Variants in MUSK observed in about 807,000 individuals in gnomAD.
MUSK encodes muscle, skeletal receptor tyrosine-protein kinase.
Under a neutral mutation model 88.7 loss-of-function variants are expected in MUSK, and 55 were observed. The observed-to-expected ratio is 0.62, with a 90% confidence interval of 0.50 to 0.78. The LOEUF is 0.78. Ranked by LOEUF, MUSK falls within the 30% of genes least tolerant of loss-of-function variation. MUSK has a pLI of 0.00. For synonymous variants in MUSK, 387 were observed against 391.9 expected (o/e 0.99, Z 0.15); for missense variants, 1,015 against 1,074.3 (o/e 0.94, Z 0.77).
chr9:110,670,809 T>C lies in MUSK; in HGVS notation c.79+1826T>C, dbSNP rs538099383. On this transcript the variant is annotated intron_variant, in intron 1 of 14. Transcript: ENST00000374448. Reference sequence around the variant, plus strand: ...TAAATTAGTATGAGTTTAACATCACTCTTAGCCAAAATACCATGTCTAGGA... The same window carrying C: ...TAAATTAGTATGAGTTTAACATCACCCTTAGCCAAAATACCATGTCTAGGA... Among the ~76,000 whole-genome samples, 133 of 152,238 alleles carry C rather than the reference T, an allele frequency of 8.7e-4. 3 individuals are homozygous for C. In the South Asian group the frequency reaches 0.022, roughly 25 times the overall value.
intron 5 of MUSK, among the ~76,000 whole-genome samples, chr9:110,711,863 A>AT: frequency 6.6e-6 from 1 of 152,312 alleles, no homozygotes; most frequent in South Asian, 2.1e-4. Flanking sequence ...GTGTGTTGTC[A>AT]TTCTAGAGCA....
intron 3 of MUSK, among the ~76,000 whole-genome samples, chr9:110,688,946 A>C (rs1172267258): frequency 2.7e-5 from 4 of 145,924 alleles, no homozygotes; most frequent in Admixed American, 2.1e-4. Flanking sequence ...ATGTAAACAT[A>C]TATTTAAATA....
At position 110,801,275 on chromosome 9, in the gene MUSK, T is replaced by A; in HGVS notation, c.*287T>A. The stretch of plus-strand genomic sequence containing the variant: ...AATACACACTGCACAGGGAAGAATG[T>A]CATCCTGTTCAGTTTCCAAAGTAGC... On this transcript the variant is annotated 3_prime_UTR_variant, in exon 15 of 15. Transcript: ENST00000374448. The A allele has an allele frequency of 3.8e-6, 1 of 263,004 alleles. No individual in the cohort carries two copies. The highest frequency in any genetic ancestry group is 7.2e-6 in the Non-Finnish European group (1 of 139,028). 16.3% of individuals were successfully genotyped at this position (263,004 alleles called of 1,614,324 possible). A position where few individuals can be genotyped will look rare whatever the true frequency, so the allele number is the denominator to read the frequency against.
chr9:110,731,624 A>G lies in MUSK; in HGVS notation c.629-2627A>G, dbSNP rs71501645. The stretch of plus-strand genomic sequence containing the variant: ...CACTTAATGAAACCCATGGTCAGCC[A>G]TAGCCTATCTGCCCCCTTCAGGGAG... On this transcript the variant is annotated intron_variant, in intron 5 of 14. Coordinates refer to ENST00000374448, the MANE Select transcript of MUSK (RefSeq NM_005592.4). Among the ~76,000 whole-genome samples the G allele has an allele frequency of 4.0e-3, 606 of 152,200 alleles. 6 individuals carry two copies. The highest frequency in any genetic ancestry group is 0.023 in the South Asian group (110 of 4,830).
rs761470115 is a variant in MUSK, at chr9:110,785,574, T to G, written c.1634T>G (p.Leu545Arg). The stretch of plus-strand genomic sequence containing the variant: ...ACCACACTGCCTTCTGAGCTCTTAC[T>G]AGATAGACTTCATCCCAACCCCATG... Reference protein sequence around the residue: ...TLTTLPSELLLDRLHPNPMYQ... With the variant: ...TLTTLPSELLRDRLHPNPMYQ... The change falls in exon 13 of 15, where the codon CTA (leucine) becomes CGA (arginine). Residue 545 changes from leucine to arginine, a missense_variant. Transcript: ENST00000374448. The G allele has an allele frequency of 3.1e-6, 5 of 1,613,156 alleles. No homozygotes were observed. In the South Asian group the frequency reaches 5.5e-5, roughly 18 times the overall value.
chr9:110,787,816 C>A lies in MUSK; in HGVS notation c.1905C>A (p.Asn635Lys). The A allele has an allele frequency of 6.2e-7, 1 of 1,612,864 alleles. No individual in the cohort carries two copies. The highest frequency in any genetic ancestry group is 8.5e-7 in the Non-Finnish European group (1 of 1,179,364). Reference protein sequence around the residue: ...REAALMAEFDNPNIVKLLGVC... With the variant: ...REAALMAEFDKPNIVKLLGVC... ...CAGCCCTCATGGCAGAATTTGACAACCCTAACATTGTGAAGCTATTAGGTA... is the reference window on the plus strand; with the variant it reads ...CAGCCCTCATGGCAGAATTTGACAAACCTAACATTGTGAAGCTATTAGGTA... The change falls in exon 14 of 15, where the codon AAC becomes AAA. Residue 635 changes from asparagine (N) to lysine (K), a missense_variant. By Grantham distance (94) the Asn-to-Lys change is moderately conservative. Transcript: ENST00000374448.
chr9:110,684,698 TTTGA>T (rs2076172417), intron 2 of MUSK, among the ~76,000 whole-genome samples: 3 of 152,056 alleles, frequency 2.0e-5, no homozygotes, highest in South Asian at 2.1e-4. Context: ...CTTTCACTTC[TTTGA>T]TTAATTCCTA....
intron 5 of MUSK, among the ~76,000 whole-genome samples, chr9:110,701,065 G>T (rs1325427714): frequency 6.6e-6 from 1 of 152,280 alleles, no homozygotes; most frequent in East Asian, 1.9e-4. Context: ...CTAGGAAGGA[G>T]AAATTAGGGT....
intron 1 of MUSK, among the ~76,000 whole-genome samples, chr9:110,669,819 G>A (rs2075934877): frequency 6.6e-6 from 1 of 152,132 alleles, no homozygotes; most frequent in African/African-American, 2.4e-5. Context: ...ACATGAGAAA[G>A]CAGATCGAGT....
chr9:110,676,617 G>T (rs113203406), intron 1 of MUSK, among the ~76,000 whole-genome samples: 3,352 of 151,968 alleles, frequency 0.022, 147 homozygotes, highest in African/African-American at 0.077. Flanking sequence ...TGTTCTCATT[G>T]TTCAGTTCCC....
chr9:110,677,845 C>A (rs1271252663), intron 1 of MUSK, among the ~76,000 whole-genome samples: 1 of 152,152 alleles, frequency 6.6e-6, no homozygotes, highest in Admixed American at 6.6e-5. Flanking sequence ...AACTCTGTTA[C>A]TGCCTTTTTG....
intron 6 of MUSK, among the ~76,000 whole-genome samples, chr9:110,735,578 G>A (rs535600500): frequency 6.6e-6 from 1 of 152,220 alleles, no homozygotes; most frequent in Non-Finnish European, 1.5e-5. Flanking sequence ...GGAGGATAAA[G>A]AGGGGTTCGT....
chr9:110,749,895 A>G (rs752752337), intron 7 of MUSK, among the ~76,000 whole-genome samples: 1 of 152,238 alleles, frequency 6.6e-6, no homozygotes, highest in Non-Finnish European at 1.5e-5. Flanking sequence ...GAGAAGGTCC[A>G]GGAGATAATA....
intron 5 of MUSK, among the ~76,000 whole-genome samples, chr9:110,733,101 G>A (rs1307959904): frequency 2.0e-5 from 3 of 151,998 alleles, no homozygotes; most frequent in Admixed American, 2.0e-4. Flanking sequence ...TCAAAGCATT[G>A]TGCTAATTGG....
intron 1 of MUSK, 24 bp downstream of exon 1, chr9:110,669,007 C>T: frequency 6.3e-7 from 1 of 1,579,296 alleles, no homozygotes; most frequent in South Asian, 1.1e-5. Context: ...ATCGTGTCTT[C>T]TTGTTGTCTT....
intron 2 of MUSK, among the ~76,000 whole-genome samples, chr9:110,684,055 C>A (rs1312929829): frequency 6.6e-6 from 1 of 152,048 alleles, no homozygotes; most frequent in Non-Finnish European, 1.5e-5. Flanking sequence ...AATTTTTCCC[C>A]AGACCAATGT....
intron 14 of MUSK, among the ~76,000 whole-genome samples, chr9:110,797,336 G>T (rs933935256): frequency 6.6e-6 from 1 of 151,916 alleles, no homozygotes; most frequent in African/African-American, 2.4e-5. Flanking sequence ...TAGAGTTAGG[G>T]CAGTCGAGGC....
chr9:110,763,399 T>A (rs1463664345), intron 8 of MUSK, among the ~76,000 whole-genome samples: 1 of 152,158 alleles, frequency 6.6e-6, no homozygotes, highest in Non-Finnish European at 1.5e-5. Flanking sequence ...CAGAGTAAAG[T>A]TTATCTAAAC....
intron 7 of MUSK, among the ~76,000 whole-genome samples, chr9:110,755,968 A>ATATATACG: frequency 3.7e-5 from 2 of 53,906 alleles, no homozygotes; most frequent in Admixed American, 1.6e-4. Flanking sequence ...ATATATACAT[A>ATATATACG]TATATATATA....
Sources: allele counts gnomAD v4.1 joint callset (sites outside exome capture counted in the v4.1 genomes callset), GRCh38; gene constraint gnomAD v4.1.1; transcripts MANE v1.5; gene names NCBI Gene and HGNC (gene_info 2026-07-23, HGNC 2026-07-21).